Variants in PDZD2 observed in about 807,000 individuals in gnomAD.
PDZD2 encodes the protein PDZ domain containing 2, also known as PDZ domain-containing protein 2.
In PDZD2, 90 loss-of-function variants were observed where a neutral mutation model predicts 220.7. The observed-to-expected ratio is 0.41, with a 90% CI of 0.34 to 0.49. The LOEUF (loss-of-function observed/expected upper bound fraction) is 0.49. PDZD2 is among the 20% of genes least tolerant of loss of function. The pLI is 0.28. For synonymous variants in PDZD2, 1,375 were observed against 1,450.5 expected, an observed-to-expected ratio of 0.95 and a Z score of 1.18; for missense variants, 3,174 against 3,608.5, an observed-to-expected ratio of 0.88 and a Z score of 3.08.
chr5:32,000,169 G>T lies in PDZD2; in HGVS notation c.1152G>T (p.Leu384=). The part of the protein sequence containing the change: ...RDGRLSLGDE[L]LVINGHLLVG... ...GCAGGCTGTCCTTAGGAGATGAGCT[G>T]CTGGTAATCAATGGTCATTTACTGG... The change falls in exon 5 of 25, where the codon CTG becomes CTT. Residue 384 remains leucine, a synonymous_variant. Transcript: ENST00000438447. This position sits in a 1 kb window ranked among gnomAD's most constrained non-coding sequence, Gnocchi z 4.5. The T allele has an allele frequency of 6.2e-7, 1 of 1,614,020 alleles. No homozygotes were observed. Among genetic ancestry groups the T allele is most frequent in the Non-Finnish European group, 8.5e-7 (1 of 1,179,864 alleles).
chr5:31,953,681 A>T (rs1198358176), intron 2 of PDZD2, among the ~76,000 whole-genome samples: 3 of 148,774 alleles, frequency 2.0e-5, no homozygotes. Flanking sequence ...TTTTTGAGAC[A>T]GTCTCAATCT....
At chr5:31,717,117 T>TA (rs1554066059) in intron 1 of PDZD2, among the ~76,000 whole-genome samples, 7 of 150,948 alleles carry the variant, frequency 4.6e-5, no homozygotes, top group South Asian at 2.1e-4. Flanking sequence ...ATAAAGAAAA[T>TA]TAAAAAAAAG....
chr5:31,862,103 T>TGC (rs1554084875), intron 2 of PDZD2, among the ~76,000 whole-genome samples: 754 of 54,440 alleles, frequency 0.014, 12 homozygotes, highest in African/African-American at 0.035. Context: ...TTTTTTGGGT[T>TGC]TTTTTTTTTT....
chr5:31,951,841 C>A (rs1747210804), intron 2 of PDZD2, among the ~76,000 whole-genome samples: 1 of 152,092 alleles, frequency 6.6e-6, no homozygotes, highest in African/African-American at 2.4e-5. Flanking sequence ...TCTCCTAAAG[C>A]TTTGGAAAAA....
intron 2 of PDZD2, among the ~76,000 whole-genome samples, chr5:31,960,900 G>T (rs1748164143): frequency 6.6e-6 from 1 of 151,888 alleles, no homozygotes; most frequent in Non-Finnish European, 1.5e-5. Flanking sequence ...TTCTTTTAAT[G>T]AATTACATAT....
chr5:31,843,103 A>G (rs986086199), intron 2 of PDZD2, among the ~76,000 whole-genome samples: 3 of 151,716 alleles, frequency 2.0e-5, no homozygotes, highest in Non-Finnish European at 4.4e-5. Flanking sequence ...CTGGTCTCGA[A>G]CTCCTGACCT....
At chr5:31,719,090 A>G (rs1748628766) in intron 1 of PDZD2, among the ~76,000 whole-genome samples, 1 of 152,200 alleles carries the variant, frequency 6.6e-6, no homozygotes, top group Non-Finnish European at 1.5e-5. Flanking sequence ...GTTTCAACAT[A>G]TGAATTTGTG....
chr5:31,688,222 G>T (rs926728829), intron 1 of PDZD2, among the ~76,000 whole-genome samples: 1 of 144,168 alleles, frequency 6.9e-6, no homozygotes, highest in Non-Finnish European at 1.5e-5. Flanking sequence ...GCAAAGTTTT[G>T]CTGTCAGATG....
intron 6 of PDZD2, among the ~76,000 whole-genome samples, chr5:32,027,521 C>T (rs776569157): frequency 2.0e-5 from 3 of 152,176 alleles, no homozygotes; most frequent in African/African-American, 4.8e-5. Flanking sequence ...GCCTGAGCGT[C>T]GCAGTGGGCA....
intron 2 of PDZD2, among the ~76,000 whole-genome samples, chr5:31,817,354 C>G (rs111573869): frequency 6.6e-6 from 1 of 151,236 alleles, no homozygotes. Context: ...ATTAGCCGGC[C>G]GTGGTGGTGG....
At chr5:31,925,709 C>G (rs1259047595) in intron 2 of PDZD2, among the ~76,000 whole-genome samples, 2 of 151,310 alleles carry the variant, frequency 1.3e-5, no homozygotes, top group African/African-American at 2.4e-5. Context: ...AACTCTGTTT[C>G]CAACAAAGGT....
At chr5:32,009,212 C>T (rs1353765310) in intron 5 of PDZD2, among the ~76,000 whole-genome samples, 1 of 150,860 alleles carries the variant, frequency 6.6e-6, no homozygotes, top group East Asian at 2.0e-4. Context: ...GGCATGGTGG[C>T]GTGTGCCTGT....
intron 3 of PDZD2, 85 bp from the exon 4 acceptor site, chr5:31,995,491 G>A (rs746463798): frequency 5.5e-5 from 76 of 1,383,396 alleles, no homozygotes; most frequent in Non-Finnish European, 7.1e-5. Flanking sequence ...ATGGATATTC[G>A]GCCAGACGTG....
intron 2 of PDZD2, among the ~76,000 whole-genome samples, chr5:31,975,307 T>C (rs928157774): frequency 1.3e-5 from 2 of 152,138 alleles, no homozygotes; most frequent in African/African-American, 2.4e-5. Flanking sequence ...CAAGAGAGCA[T>C]GTGCAGGGGA....
intron 2 of PDZD2, chr5:31,823,093 T>G (rs1755986472): frequency 1.2e-6 from 1 of 867,886 alleles, no homozygotes; most frequent in East Asian, 4.2e-5. Context: ...AATATTGACA[T>G]TTTCTGGAAT....
At chr5:31,715,385 T>G (rs1294349617) in intron 1 of PDZD2, among the ~76,000 whole-genome samples, 1 of 152,222 alleles carries the variant, frequency 6.6e-6, no homozygotes, top group Non-Finnish European at 1.5e-5. Flanking sequence ...TCTGGTCCAG[T>G]GATTCTATGG....
chr5:31,752,301 C>T (rs111472627), intron 1 of PDZD2, among the ~76,000 whole-genome samples: 7,773 of 151,858 alleles, frequency 0.051, 652 homozygotes, highest in African/African-American at 0.18. Flanking sequence ...GTAATCCCAG[C>T]GCTTTGGGAG....
At chr5:31,774,914 A>G (rs1752549633) in intron 1 of PDZD2, among the ~76,000 whole-genome samples, 1 of 152,240 alleles carries the variant, frequency 6.6e-6, no homozygotes, top group South Asian at 2.1e-4. Flanking sequence ...AATGGCTGGC[A>G]GGGAGGGGCC....
intron 1 of PDZD2, among the ~76,000 whole-genome samples, chr5:31,787,323 ATAT>A (rs1204714068): frequency 1.3e-5 from 2 of 152,230 alleles, no homozygotes; most frequent in African/African-American, 4.8e-5. Flanking sequence ...AACTCTAGAA[ATAT>A]TATTAACCCA....
Sources: allele counts gnomAD v4.1 joint callset (sites outside exome capture counted in the v4.1 genomes callset), GRCh38; gene constraint gnomAD v4.1.1; non-coding constraint Gnocchi (gnomAD v3.1); transcripts MANE v1.5; gene names NCBI Gene and HGNC (gene_info 2026-07-23, HGNC 2026-07-21).